DNAJC5: variants seen among roughly 807,000 people sequenced by gnomAD.
DNAJC5 encodes the protein DnaJ heat shock protein family (Hsp40) member C5.
DNAJC5 carries 1 observed loss-of-function variant against 23.2 expected under a neutral mutation model. The observed-to-expected ratio is 0.04, with a 90% CI of 0.02 to 0.20. The LOEUF (loss-of-function observed/expected upper bound fraction) is 0.20, where lower values mean the gene tolerates loss of function less well. Ranked by LOEUF, DNAJC5 falls within the 10% of genes least tolerant of loss-of-function variation. The pLI, the probability that DNAJC5 is intolerant of heterozygous loss-of-function variation, is 1.00. For missense variants in DNAJC5, 180 were observed against 267.0 expected (o/e 0.67, Z 2.27); for synonymous variants, 136 against 120.0 (o/e 1.13, Z -0.87).
At chr20:63,921,708 G>A (rs1051406726) in intron 1 of DNAJC5, among the ~76,000 whole-genome samples, 1 of 152,132 alleles carries the variant, frequency 6.6e-6, no homozygotes, top group Non-Finnish European at 1.5e-5. Context: ...CGTGCTGCTC[G>A]TGTAGCTGCG....
chr20:63,916,132 G>C (rs2146286126), intron 1 of DNAJC5, among the ~76,000 whole-genome samples: 1 of 152,274 alleles, frequency 6.6e-6, no homozygotes, highest in Middle Eastern at 3.4e-3. Context: ...ATTTTTAGTA[G>C]AGATGGGGTT....
At chr20:63,907,797 C>T (rs1293750386) in intron 1 of DNAJC5, among the ~76,000 whole-genome samples, 1 of 152,206 alleles carries the variant, frequency 6.6e-6, no homozygotes, top group Non-Finnish European at 1.5e-5. Flanking sequence ...GACGGAGTCT[C>T]GCTCTGTCGA....
chr20:63,919,009 CCA>C (rs1417082955), intron 1 of DNAJC5, among the ~76,000 whole-genome samples: 1 of 152,220 alleles, frequency 6.6e-6, no homozygotes, highest in Non-Finnish European at 1.5e-5. Context: ...ACAAAGTTGG[CCA>C]CAGTTTTTCC....
intron 1 of DNAJC5, among the ~76,000 whole-genome samples, chr20:63,917,440 A>G (rs2053522293): frequency 6.6e-6 from 1 of 152,034 alleles, no homozygotes; most frequent in Non-Finnish European, 1.5e-5. Context: ...TTCTGTAGAG[A>G]TGGGGTTTCG....
intron 1 of DNAJC5, among the ~76,000 whole-genome samples, chr20:63,923,275 C>G (rs2053586353): frequency 6.6e-6 from 1 of 151,978 alleles, no homozygotes; most frequent in Non-Finnish European, 1.5e-5. Flanking sequence ...GACCGTGTCT[C>G]TATAGAAAAT....
At chr20:63,922,412 A>G (rs1288516015) in intron 1 of DNAJC5, among the ~76,000 whole-genome samples, 1 of 151,662 alleles carries the variant, frequency 6.6e-6, no homozygotes, top group Non-Finnish European at 1.5e-5. Flanking sequence ...GCATGGAGCC[A>G]AGATTGCACC....
rs760510395 is a variant in DNAJC5, at chr20:63,928,301, C to T, written c.-11-34C>T. 7 of 1,557,482 alleles carry T rather than the reference C, an allele frequency of 4.5e-6. No individual in the cohort carries two copies. The highest frequency in any genetic ancestry group is 4.1e-5 in the African/African-American group (3 of 73,762). On this transcript the variant is annotated intron_variant, in intron 1 of 4. Coordinates refer to ENST00000360864, the MANE Select transcript of DNAJC5 (RefSeq NM_025219.3). The surrounding 1 kb of genome is among the most constrained non-coding windows in gnomAD (Gnocchi z 4.6). ...TCTGCCCTTGGTACTTTCATCTATA[C>T]TTTGTGATACTTTCTTTTTATTTTT...
At position 63,931,167 on chromosome 20, in the gene DNAJC5, G is replaced by C; in HGVS notation, c.493+145G>C. 1 of 936,096 alleles carries C rather than the reference G, an allele frequency of 1.1e-6. No homozygotes were observed. The highest frequency in any genetic ancestry group is 1.7e-6 in the Non-Finnish European group (1 of 598,952). The allele number at this position is 936,096 out of a possible 1,614,324, so 58.0% of individuals were successfully genotyped here. ...GTGGCAGCTGGGACTGTTGAGGTGT[G>C]AACGTGGACCCTGAGGTAAAGCAGG... On this transcript the variant is annotated intron_variant, in intron 4 of 4. Transcript: ENST00000360864. This position sits in a 1 kb window ranked among gnomAD's most constrained non-coding sequence, Gnocchi z 9.6.
chr20:63,914,655 G>A (rs1341636723), intron 1 of DNAJC5, among the ~76,000 whole-genome samples: 6 of 139,036 alleles, frequency 4.3e-5, no homozygotes, highest in South Asian at 2.2e-4. Context: ...TCGCTCTGTC[G>A]CCCAGGCTGG....
chr20:63,922,776 A>G (rs547629402), intron 1 of DNAJC5, among the ~76,000 whole-genome samples: 1 of 151,496 alleles, frequency 6.6e-6, no homozygotes, highest in East Asian at 2.0e-4. Context: ...TCTCCAAACA[A>G]ACAAAAAAGC....
Position 63,928,413 on chromosome 20 carries a change from A to C in DNAJC5, c.68A>C (p.Asp23Ala), listed in dbSNP as rs1239689664. The C allele has an allele frequency of 6.2e-7, 1 of 1,613,944 alleles. No individual in the cohort carries two copies. Among genetic ancestry groups the C allele is most frequent in the Admixed American group, 1.7e-5 (1 of 59,988 alleles). The change falls in exon 2 of 5, where the codon GAC becomes GCC. Residue 23 changes from aspartate (D) to alanine (A), a missense_variant. Around this residue, in one of 3 missense-constraint regions of DNAJC5, gnomAD observed 77 missense variants for 106.8 expected, o/e 0.72. Transcript: ENST00000360864. The surrounding 1 kb of genome is among the most constrained non-coding windows in gnomAD (Gnocchi z 4.6). Reference sequence around the variant, plus strand: ...TCATTGTACCACGTCCTTGGGTTGGACAAGAACGCAACCTCAGATGACATT... The same window carrying C: ...TCATTGTACCACGTCCTTGGGTTGGCCAAGAACGCAACCTCAGATGACATT... ...GESLYHVLGLDKNATSDDIKK... is the reference protein window; with the variant it reads ...GESLYHVLGLAKNATSDDIKK...
rs1416544361 is a variant in DNAJC5 at position 63,932,038 on chromosome 20, A to T, written c.*470A>T. The T allele has an allele frequency of 3.5e-6, 1 of 286,106 alleles. No homozygotes were observed. Among genetic ancestry groups the T allele is most frequent in the African/African-American group, 2.2e-5 (1 of 45,478 alleles). The allele number at this position is 286,106 out of a possible 1,614,324, so 17.7% of individuals were successfully genotyped here. A position where few individuals can be genotyped will look rare whatever the true frequency, so the allele number is the denominator to read the frequency against. Reference sequence around the variant, plus strand: ...CCGTCTTGGCCTCGGGGTCTGGTCCACACTCTGTGCTCCCAGCCTTGAGGC... The same window carrying T: ...CCGTCTTGGCCTCGGGGTCTGGTCCTCACTCTGTGCTCCCAGCCTTGAGGC... On this transcript the variant is annotated 3_prime_UTR_variant, in exon 5 of 5. Transcript: ENST00000360864. This position sits in a 1 kb window ranked among gnomAD's most constrained non-coding sequence, Gnocchi z 4.4.
At chr20:63,905,837 C>T (rs200574816) in intron 1 of DNAJC5, among the ~76,000 whole-genome samples, 9 of 151,906 alleles carry the variant, frequency 5.9e-5, no homozygotes, top group South Asian at 2.1e-4. Flanking sequence ...TGGGTTCAAG[C>T]GATTCTCCTG....
At chr20:63,918,172 A>G (rs920721096) in intron 1 of DNAJC5, among the ~76,000 whole-genome samples, 5 of 152,196 alleles carry the variant, frequency 3.3e-5, no homozygotes, top group African/African-American at 1.2e-4. Flanking sequence ...AGATGAATGA[A>G]TTGTAGCTAC....
chr20:63,927,087 G>A (rs922367497), intron 1 of DNAJC5, among the ~76,000 whole-genome samples: 6 of 152,168 alleles, frequency 3.9e-5, no homozygotes, highest in Non-Finnish European at 8.8e-5. Flanking sequence ...TACGTTTATT[G>A]AAACCAGCTT....
chr20:63,913,415 GAGAC>G (rs1351667808), intron 1 of DNAJC5, among the ~76,000 whole-genome samples: 1 of 148,058 alleles, frequency 6.8e-6, no homozygotes, highest in African/African-American at 2.5e-5. Context: ...TTTTTTTAGT[GAGAC>G]AGAGTCTCGC....
chr20:63,921,010 A>AGTGCAACGGCACG (rs1391904968), intron 1 of DNAJC5, among the ~76,000 whole-genome samples: 1 of 151,832 alleles, frequency 6.6e-6, no homozygotes, highest in East Asian at 1.9e-4. Flanking sequence ...CGCAGACTGG[A>AGTGCAACGGCACG]GTGCAACGGC....
Position 63,934,781 on chromosome 20 carries a change from G to A in DNAJC5, c.*3213G>A, listed in dbSNP as rs902946721. The A allele has an allele frequency of 9.2e-5, 14 of 152,270 alleles. No individual in the cohort carries two copies. Among genetic ancestry groups the A allele is most frequent in the African/African-American group, 3.1e-4 (13 of 41,454 alleles). The allele number at this position is 152,270 out of a possible 1,614,324, so 9.4% of individuals were successfully genotyped here. ...CCAGCAGGAAAAGCTTCGTCTTCACGTCGGCTGCTGCCATCCAGAAGAGGC... is the reference window on the plus strand; with the variant it reads ...CCAGCAGGAAAAGCTTCGTCTTCACATCGGCTGCTGCCATCCAGAAGAGGC... On this transcript the variant is annotated 3_prime_UTR_variant, in exon 5 of 5. Coordinates refer to ENST00000360864, the MANE Select transcript of DNAJC5 (RefSeq NM_025219.3).
Position 63,929,583 on chromosome 20 carries a change from C to T in DNAJC5, c.321+58C>T, listed in dbSNP as rs568175223. 1.5e-4 allele frequency: 240 copies of T among 1,584,896 alleles called. 1 individual carries two copies. In the South Asian group the frequency reaches 1.6e-3, roughly 11 times the overall value. On this transcript the variant is annotated intron_variant, in intron 3 of 4. Coordinates refer to ENST00000360864, the MANE Select transcript of DNAJC5 (RefSeq NM_025219.3). The surrounding 1 kb of genome is among the most constrained non-coding windows in gnomAD (Gnocchi z 8.6). ...GAGTCACTCCTGCCGTGCGGGCACC[C>T]GAGTCTCTCCTGCCGTGCGGGCACC...
Sources: gnomAD v4.1 joint callset for allele counts (sites outside exome capture counted in the v4.1 genomes callset) on GRCh38, gnomAD v4.1.1 for gene constraint, gnomAD v4.1.1 regional missense constraint, Gnocchi (gnomAD v3.1) non-coding constraint, MANE v1.5 for transcripts, NCBI Gene and HGNC (gene_info 2026-07-23, HGNC 2026-07-21) for gene names.